The following CNTNAP2 variants were observed in gnomAD, a reference collection of about 807,000 sequenced individuals.
CNTNAP2 encodes the protein contactin-associated protein-like 2.
CNTNAP2 carries 98 observed loss-of-function variants against 155.2 expected under a neutral mutation model. That is an observed-to-expected ratio of 0.63 (90% CI 0.54 to 0.75). The LOEUF (loss-of-function observed/expected upper bound fraction) is 0.75, where lower values mean the gene tolerates loss of function less well. CNTNAP2 is among the 30% of genes least tolerant of loss of function. The pLI is 0.00. For synonymous variants in CNTNAP2, 651 were observed against 631.2 expected (o/e 1.03, Z -0.47); for missense variants, 1,727 against 1,688.1 (o/e 1.02, Z -0.40).
chr7:147,325,593 T>A (rs1795440085), intron 9 of CNTNAP2, among the ~76,000 whole-genome samples: 2 of 152,202 alleles, frequency 1.3e-5, no homozygotes, highest in Admixed American at 6.5e-5. Flanking sequence ...AATTATTGAT[T>A]TGGCTTTTCT....
At position 147,991,733 on chromosome 7, in the gene CNTNAP2, A is replaced by C. The variant is rs573021387; in HGVS notation, c.2383+13744A>C. 2.6e-5 allele frequency among the ~76,000 whole-genome samples: 4 copies of C among 152,266 alleles called. No homozygotes were observed. In the South Asian group the frequency reaches 8.3e-4, roughly 32 times the overall value. On this transcript the variant is annotated intron_variant, in intron 15 of 23. Coordinates refer to ENST00000361727, the MANE Select transcript of CNTNAP2 (RefSeq NM_014141.6). ...CAGAGATCCAAGTAGAGGCTTCCAT[A>C]CTTTTGTTTATCCATGTCTCAAGGT...
chr7:147,862,685 T>G (rs1799156975), intron 13 of CNTNAP2, among the ~76,000 whole-genome samples: 1 of 152,090 alleles, frequency 6.6e-6, no homozygotes, highest in African/African-American at 2.4e-5. Context: ...ATGATTGTTT[T>G]GTCATTGTAC....
intron 15 of CNTNAP2, among the ~76,000 whole-genome samples, chr7:148,082,039 T>G (rs1803618491): frequency 6.6e-6 from 1 of 152,164 alleles, no homozygotes; most frequent in African/African-American, 2.4e-5. Flanking sequence ...CTTGAACTTC[T>G]GGGCTCAAGG....
chr7:148,418,502 G>A lies in CNTNAP2; in HGVS notation c.*2886G>A, dbSNP rs182790534. The A allele has an allele frequency of 1.3e-5, 2 of 151,338 alleles. No homozygotes were observed. The highest frequency in any genetic ancestry group is 2.4e-5 in the African/African-American group (1 of 41,166). The allele number at this position is 151,338 out of a possible 1,614,324, so 9.4% of individuals were successfully genotyped here. On this transcript the variant is annotated 3_prime_UTR_variant, in exon 24 of 24. Transcript: ENST00000361727. Reference sequence around the variant, plus strand: ...GAAAGTTGGTGGCTGATTTAAAGTTGTGCAGGAAACATCTTCTGTGTATGA... The same window carrying A: ...GAAAGTTGGTGGCTGATTTAAAGTTATGCAGGAAACATCTTCTGTGTATGA...
chr7:147,272,897 T>G (rs1383071252), intron 8 of CNTNAP2, among the ~76,000 whole-genome samples: 1 of 152,150 alleles, frequency 6.6e-6, no homozygotes, highest in Non-Finnish European at 1.5e-5. Flanking sequence ...TACTTCCATT[T>G]GCTTATGTTG....
chr7:146,917,485 C>T (rs1310718681), intron 3 of CNTNAP2, among the ~76,000 whole-genome samples: 1 of 152,062 alleles, frequency 6.6e-6, no homozygotes, highest in Non-Finnish European at 1.5e-5. Context: ...AATATGGGAG[C>T]TCCAGTGTTA....
intron 13 of CNTNAP2, among the ~76,000 whole-genome samples, chr7:147,739,050 A>G (rs1175380396): frequency 6.6e-6 from 1 of 151,696 alleles, no homozygotes; most frequent in Non-Finnish European, 1.5e-5. Flanking sequence ...CAAGTGTACG[A>G]TATCTCCAAG....
At chr7:147,558,646 A>G (rs1456216118) in intron 11 of CNTNAP2, among the ~76,000 whole-genome samples, 1 of 152,222 alleles carries the variant, frequency 6.6e-6, no homozygotes, top group Non-Finnish European at 1.5e-5. Flanking sequence ...AGGCAAGCAC[A>G]ATAATTGTTA....
intron 3 of CNTNAP2, among the ~76,000 whole-genome samples, chr7:146,858,349 A>G (rs942418361): frequency 6.6e-6 from 1 of 152,208 alleles, no homozygotes; most frequent in Non-Finnish European, 1.5e-5. Context: ...AATGTTGTCT[A>G]GTTTCCCTGC....
chr7:148,225,110 T>C (rs906061666), intron 19 of CNTNAP2, among the ~76,000 whole-genome samples: 13 of 152,190 alleles, frequency 8.5e-5, no homozygotes, highest in African/African-American at 3.1e-4. Flanking sequence ...TTCTAGACAT[T>C]GGGAATAGTC....
intron 21 of CNTNAP2, among the ~76,000 whole-genome samples, chr7:148,296,451 G>A (rs1206879935): frequency 6.8e-5 from 10 of 146,178 alleles, no homozygotes; most frequent in African/African-American, 2.3e-4. Context: ...GGAGGCTGAG[G>A]CATGAGAATT....
At chr7:146,812,223 T>C (rs1803079068) in intron 2 of CNTNAP2, among the ~76,000 whole-genome samples, 1 of 151,964 alleles carries the variant, frequency 6.6e-6, no homozygotes, top group Non-Finnish European at 1.5e-5. Context: ...TTGACCAAAA[T>C]GCTGACGGTT....
chr7:146,767,882 T>C (rs1802225201), intron 1 of CNTNAP2, among the ~76,000 whole-genome samples: 1 of 152,104 alleles, frequency 6.6e-6, no homozygotes, highest in Admixed American at 6.5e-5. Flanking sequence ...GCTGCCCCAA[T>C]TTATGTTGCT....
intron 13 of CNTNAP2, among the ~76,000 whole-genome samples, chr7:147,839,417 T>C (rs1364488508): frequency 1.3e-5 from 2 of 152,040 alleles, no homozygotes; most frequent in African/African-American, 4.8e-5. Flanking sequence ...ACAAGAACAG[T>C]AATGAGAGGT....
At position 146,207,268 on chromosome 7, in the gene CNTNAP2, C is replaced by T. The variant is rs145489828; in HGVS notation, c.97+90295C>T. On this transcript the variant is annotated intron_variant, in intron 1 of 23. Coordinates refer to ENST00000361727, the MANE Select transcript of CNTNAP2 (RefSeq NM_014141.6). ...TAGTAGCATAGTAGAATGTATCATG[C>T]GGTACCGTGAAAAATAATGGGAACT... Among the ~76,000 whole-genome samples, 432 of 151,996 alleles carry T rather than the reference C, an allele frequency of 2.8e-3. 2 individuals are homozygous for T. Among genetic ancestry groups the T allele is most frequent in the Admixed American group, 4.3e-3 (66 of 15,250 alleles).
chr7:146,148,698 T>C (rs1797990312), intron 1 of CNTNAP2, among the ~76,000 whole-genome samples: 1 of 152,138 alleles, frequency 6.6e-6, no homozygotes, highest in Admixed American at 6.6e-5. Flanking sequence ...ATAATTATTA[T>C]ATTACAAAGG....
intron 6 of CNTNAP2, chr7:147,121,716 C>T (rs1255330843): frequency 6.6e-6 from 1 of 152,396 alleles, no homozygotes; most frequent in Non-Finnish European, 1.5e-5. Flanking sequence ...CATATATTAC[C>T]TTCTCAATAA....
At chr7:146,857,408 A>G (rs1226538726) in intron 3 of CNTNAP2, among the ~76,000 whole-genome samples, 1 of 152,210 alleles carries the variant, frequency 6.6e-6, no homozygotes, top group Non-Finnish European at 1.5e-5. Flanking sequence ...ACACATTACC[A>G]CAGCTTGTAT....
At chr7:147,269,785 G>A (rs936971038) in intron 8 of CNTNAP2, among the ~76,000 whole-genome samples, 11 of 152,138 alleles carry the variant, frequency 7.2e-5, no homozygotes, top group Admixed American at 1.3e-4. Context: ...TTGTTACAAT[G>A]GCTCATACCT....
Sources: gnomAD v4.1 joint callset for allele counts (sites outside exome capture counted in the v4.1 genomes callset) on GRCh38, gnomAD v4.1.1 for gene constraint, MANE v1.5 for transcripts, NCBI Gene and HGNC (gene_info 2026-07-23, HGNC 2026-07-21) for gene names.